NMNAT2: variants seen among roughly 807,000 people sequenced by gnomAD.
NMNAT2 encodes nicotinamide nucleotide adenylyltransferase 2.
A neutral mutation model predicts 41.6 loss-of-function variants in NMNAT2; 11 were observed. The observed-to-expected ratio is 0.26, with a 90% CI of 0.17 to 0.44. The LOEUF (loss-of-function observed/expected upper bound fraction) is 0.44. Ranked by LOEUF, NMNAT2 falls within the 20% of genes least tolerant of loss-of-function variation. The probability of loss-of-function intolerance (pLI) is 1.00; values close to 1 mark genes in which losing one functional copy is unlikely to be tolerated. For synonymous variants in NMNAT2, 148 were observed against 151.2 expected (o/e 0.98, Z 0.16); for missense variants, 288 against 407.7 (o/e 0.71, Z 2.53).
chr1:183,404,095 T>G (rs1648889323), intron 1 of NMNAT2, among the ~76,000 whole-genome samples: 1 of 139,336 alleles, frequency 7.2e-6, no homozygotes, highest in Non-Finnish European at 1.5e-5. Flanking sequence ...AGCCCAGAAA[T>G]GTAATTTTTT....
intron 1 of NMNAT2, among the ~76,000 whole-genome samples, chr1:183,345,122 C>T (rs1662898828): frequency 4.8e-5 from 2 of 41,996 alleles, no homozygotes; most frequent in Admixed American, 3.1e-4. Flanking sequence ...TTCTCTTCTC[C>T]TCCCCCACCC....
chr1:183,326,852 A>G (rs1356251344), intron 1 of NMNAT2, among the ~76,000 whole-genome samples: 1 of 152,138 alleles, frequency 6.6e-6, no homozygotes, highest in Non-Finnish European at 1.5e-5. Context: ...GTGGGCTGAA[A>G]CTTTGACTCT....
chr1:183,390,552 A>G (rs373781913), intron 1 of NMNAT2, among the ~76,000 whole-genome samples: 1 of 152,244 alleles, frequency 6.6e-6, no homozygotes, highest in Non-Finnish European at 1.5e-5. Flanking sequence ...TTAAAACCCA[A>G]ATTGAAGACT....
chr1:183,320,974 GT>G (rs1313754824), intron 1 of NMNAT2, among the ~76,000 whole-genome samples: 2 of 152,188 alleles, frequency 1.3e-5, no homozygotes, highest in African/African-American at 4.8e-5. Flanking sequence ...AGCAATTCTA[GT>G]CCTTTCTGTG....
rs540504933 is a variant in NMNAT2 at position 183,362,496 on chromosome 1, G to A, written c.85+55687C>T. Among the ~76,000 whole-genome samples, 13 of 152,284 alleles carry A rather than the reference G, an allele frequency of 8.5e-5. No homozygotes were observed. The South Asian group carries it at 2.5e-3, about 29-fold the overall frequency. On this transcript the variant is annotated intron_variant, in intron 1 of 10. Transcript: ENST00000287713. ...TATCCCTACAGATTTGCCTATTCTG[G>A]ACATTTCATATAAATGGAATCATAC...
At chr1:183,313,917 G>C (rs1159615987) in intron 1 of NMNAT2, among the ~76,000 whole-genome samples, 2 of 152,218 alleles carry the variant, frequency 1.3e-5, no homozygotes, top group Non-Finnish European at 2.9e-5. Context: ...GCTTCCAAGG[G>C]CCTCAGCTGC....
intron 4 of NMNAT2, 108 bp from the exon 5 acceptor site, chr1:183,286,896 T>A: frequency 1.7e-6 from 2 of 1,212,000 alleles, no homozygotes; most frequent in Non-Finnish European, 2.3e-6. Flanking sequence ...CACCCAGAGC[T>A]GAGGAAGAGC....
At chr1:183,277,277 G>T (rs1342789565) in intron 8 of NMNAT2, among the ~76,000 whole-genome samples, 1 of 152,134 alleles carries the variant, frequency 6.6e-6, no homozygotes, top group Admixed American at 6.5e-5. Flanking sequence ...GAGGTCAGGG[G>T]TTCGAGACCA....
chr1:183,296,351 A>C (rs983005891), intron 1 of NMNAT2, among the ~76,000 whole-genome samples: 1 of 152,168 alleles, frequency 6.6e-6, no homozygotes, highest in African/African-American at 2.4e-5. Flanking sequence ...TCATATGGTA[A>C]GATTATGTTT....
chr1:183,393,423 A>T (rs1648538890), intron 1 of NMNAT2, among the ~76,000 whole-genome samples: 1 of 151,996 alleles, frequency 6.6e-6, no homozygotes, highest in Non-Finnish European at 1.5e-5. Context: ...TGAACCTTGG[A>T]GTAAATCCTA....
chr1:183,280,397 C>CT (rs1558114935), intron 7 of NMNAT2, among the ~76,000 whole-genome samples: 5 of 148,960 alleles, frequency 3.4e-5, no homozygotes, highest in African/African-American at 7.5e-5. Context: ...TTTTTTTTTT[C>CT]TTTTTTTGGA....
At chr1:183,281,442 C>G (rs1212356862) in intron 7 of NMNAT2, among the ~76,000 whole-genome samples, 1 of 152,218 alleles carries the variant, frequency 6.6e-6, no homozygotes, top group African/African-American at 2.4e-5. Context: ...TTAAAAATCC[C>G]TGCTTACAGC....
At position 183,256,799 on chromosome 1, in the gene NMNAT2, G is replaced by T. The variant is rs79949800; in HGVS notation, c.822-4056C>A. Among the ~76,000 whole-genome samples the T allele has an allele frequency of 2.1e-3, 321 of 152,218 alleles. 6 individuals are homozygous for T. The East Asian group carries it at 0.053, about 25-fold the overall frequency. ...CTTTTTTTTTCTGTTGCCCAGGCTG[G>T]AGTGCAGCAGCGCATGATCTCAGTT... On this transcript the variant is annotated intron_variant, in intron 10 of 10. Coordinates refer to ENST00000287713, the MANE Select transcript of NMNAT2 (RefSeq NM_015039.4).
Position 183,413,423 on chromosome 1 carries a change from G to GGA in NMNAT2, c.85+4758_85+4759dup, listed in dbSNP as rs554778613. 5.1e-3 allele frequency among the ~76,000 whole-genome samples: 771 copies of GGA among 152,204 alleles called. 5 individuals carry two copies. Among genetic ancestry groups the GGA allele is most frequent in the African/African-American group, 0.018 (736 of 41,524 alleles). On this transcript the variant is annotated intron_variant, in intron 1 of 10. Transcript: ENST00000287713. ...GGATGCTGGTGGAGGGACTACTGCT[G>GGA]GAGAGCACGGTGGTGGCTGTGAGCA... is the stretch of plus-strand genomic sequence containing the variant.
intron 1 of NMNAT2, among the ~76,000 whole-genome samples, chr1:183,303,461 G>C (rs1439860406): frequency 2.6e-5 from 4 of 152,218 alleles, no homozygotes; most frequent in African/African-American, 9.6e-5. Flanking sequence ...CCAAGGTTCA[G>C]AGTCATTAAG....
intron 1 of NMNAT2, among the ~76,000 whole-genome samples, chr1:183,387,565 A>T (rs563186496): frequency 1.3e-5 from 2 of 152,212 alleles, no homozygotes; most frequent in Non-Finnish European, 2.9e-5. Flanking sequence ...CTAATCTACT[A>T]TGTTTCCACA....
At chr1:183,276,985 T>C (rs1463960170) in intron 8 of NMNAT2, among the ~76,000 whole-genome samples, 1 of 152,216 alleles carries the variant, frequency 6.6e-6, no homozygotes, top group Non-Finnish European at 1.5e-5. Flanking sequence ...CATGTTAGCA[T>C]TTATGCCCTT....
At chr1:183,342,229 C>A (rs1662835354) in intron 1 of NMNAT2, among the ~76,000 whole-genome samples, 1 of 152,066 alleles carries the variant, frequency 6.6e-6, no homozygotes, top group Non-Finnish European at 1.5e-5. Context: ...GTGGCTCATG[C>A]CTGTAATCCC....
chr1:183,254,309 C>G (rs1271096862), intron 10 of NMNAT2, among the ~76,000 whole-genome samples: 1 of 152,044 alleles, frequency 6.6e-6, no homozygotes, highest in Non-Finnish European at 1.5e-5. Flanking sequence ...TCTCATAATG[C>G]CTTTAATTTT....
Sources: gnomAD v4.1 joint callset for allele counts (sites outside exome capture counted in the v4.1 genomes callset) on GRCh38, gnomAD v4.1.1 for gene constraint, MANE v1.5 for transcripts, NCBI Gene and HGNC (gene_info 2026-07-23, HGNC 2026-07-21) for gene names.